Variants in SNX29 observed in about 807,000 individuals in gnomAD.
SNX29 encodes the protein sorting nexin 29.
SNX29 carries 78 observed loss-of-function variants against 102.1 expected under a neutral mutation model. That is an observed-to-expected ratio of 0.76 (90% CI 0.64 to 0.92). The LOEUF (loss-of-function observed/expected upper bound fraction) is 0.92, where lower values mean the gene tolerates loss of function less well. SNX29 is among the 40% of genes least tolerant of loss of function. The pLI, the probability that SNX29 is intolerant of heterozygous loss-of-function variation, is 0.00. For synonymous variants in SNX29, 580 were observed against 414.5 expected, an observed-to-expected ratio of 1.40 and a Z score of -4.85; for missense variants, 1,280 against 1,061.7, an observed-to-expected ratio of 1.21 and a Z score of -2.86.
At chr16:12,276,294 CTGTT>C (rs993565680) in intron 14 of SNX29, among the ~76,000 whole-genome samples, 25 of 152,258 alleles carry the variant, frequency 1.6e-4, no homozygotes, top group African/African-American at 5.1e-4. Context: ...CTTTCCATAA[CTGTT>C]TGGGGTTATC....
intron 20 of SNX29, chr16:12,561,166 C>T (rs1023320284): frequency 8.7e-6 from 2 of 230,014 alleles, no homozygotes; most frequent in Non-Finnish European, 1.7e-5. Flanking sequence ...AATTCAAAGG[C>T]TATTCAGCCT....
At chr16:12,546,462 A>G (rs564524679) in intron 20 of SNX29, 11 of 152,326 alleles carry the variant, frequency 7.2e-5, no homozygotes, top group Non-Finnish European at 1.3e-4. Context: ...TTATGAAACC[A>G]TCACATTCAC....
rs1441015226 is a variant in SNX29, at chr16:12,199,701, C to T, written c.1678+18C>T. The T allele has an allele frequency of 2.5e-6, 4 of 1,608,030 alleles. No homozygotes were observed. Among genetic ancestry groups the T allele is most frequent in the Non-Finnish European group, 3.4e-6 (4 of 1,176,976 alleles). On this transcript the variant is annotated intron_variant, in intron 14 of 20. Transcript: ENST00000566228. ...AGCTGAAGGTGAGGGGGAGCCTGAG[C>T]CCGGGTTGGGAGGGGCCGGGCTTTT...
chr16:12,333,676 A>C (rs549984867), intron 15 of SNX29, among the ~76,000 whole-genome samples: 2 of 152,126 alleles, frequency 1.3e-5, no homozygotes, highest in South Asian at 4.2e-4. Flanking sequence ...CGGACTCTCT[A>C]ATCTTTTCAT....
chr16:11,992,473 C>A (rs1259700287), intron 1 of SNX29, among the ~76,000 whole-genome samples: 3 of 152,116 alleles, frequency 2.0e-5, no homozygotes, highest in African/African-American at 7.2e-5. Flanking sequence ...AGTAGCTCCC[C>A]ATCCCCCTAC....
chr16:12,509,786 A>G (rs2089528435), intron 19 of SNX29, among the ~76,000 whole-genome samples: 1 of 151,718 alleles, frequency 6.6e-6, no homozygotes, highest in Non-Finnish European at 1.5e-5. Context: ...GAATAGATCC[A>G]CCCCTCCATT....
At chr16:12,320,023 A>T (rs1032745621) in intron 15 of SNX29, among the ~76,000 whole-genome samples, 7 of 152,058 alleles carry the variant, frequency 4.6e-5, no homozygotes, top group Admixed American at 2.0e-4. Flanking sequence ...GCATCTCGTC[A>T]CTGGTCTCCC....
chr16:12,139,739 T>A (rs2054800038), intron 13 of SNX29, among the ~76,000 whole-genome samples: 2 of 151,952 alleles, frequency 1.3e-5, no homozygotes, highest in South Asian at 4.2e-4. Flanking sequence ...ATAATCCCAG[T>A]CCTTTGGGAG....
chr16:12,537,067 A>T (rs1038249617), intron 20 of SNX29, among the ~76,000 whole-genome samples: 4 of 152,192 alleles, frequency 2.6e-5, no homozygotes, highest in African/African-American at 9.7e-5. Context: ...TTAGGAGACG[A>T]TGTAGATTTA....
chr16:12,413,630 T>TCACTCAC (rs2084498832), intron 18 of SNX29, among the ~76,000 whole-genome samples: 1 of 152,000 alleles, frequency 6.6e-6, no homozygotes, highest in African/African-American at 2.4e-5. Flanking sequence ...GAGTGTTCAG[T>TCACTCAC]GGTACGCTGC....
rs761816350 is a variant in SNX29, at chr16:12,403,433, C to G, written c.1956-15C>G. ...AAATGTCTAATGTTGGTCTCTCTCT[C>G]TTCCTTTTGGTTAGATCAAACCGGG... On this transcript the variant is annotated splice_polypyrimidine_tract_variant and intron_variant, in intron 17 of 20. Transcript: ENST00000566228. 2.5e-6 allele frequency: 4 copies of G among 1,597,088 alleles called. No individual in the cohort carries two copies. In the South Asian group the frequency reaches 4.5e-5, roughly 18 times the overall value.
At chr16:12,224,259 T>A (rs1210502943) in intron 14 of SNX29, among the ~76,000 whole-genome samples, 2 of 152,202 alleles carry the variant, frequency 1.3e-5, no homozygotes, top group East Asian at 3.8e-4. Flanking sequence ...CCCTCTCCTC[T>A]TCCCTTTTTC....
chr16:12,455,048 C>T (rs537029565), intron 18 of SNX29, among the ~76,000 whole-genome samples: 4 of 152,274 alleles, frequency 2.6e-5, no homozygotes, highest in African/African-American at 9.6e-5. Flanking sequence ...ACGCCTGGCC[C>T]GTTGGAGGAC....
chr16:12,421,913 GTCCATCACCATCATCATCCGTCCATCA>G (rs2084888740), intron 18 of SNX29, among the ~76,000 whole-genome samples: 2 of 70,508 alleles, frequency 2.8e-5, no homozygotes, highest in Non-Finnish European at 9.6e-5. Flanking sequence ...ATCACCAGCC[GTCCATCACCATCATCATCCGTCCATCA>G]TCCATCACCA....
intron 16 of SNX29, among the ~76,000 whole-genome samples, chr16:12,390,702 G>C (rs543594169): frequency 6.6e-6 from 1 of 152,092 alleles, no homozygotes; most frequent in African/African-American, 2.4e-5. Context: ...GCCAGGTGCT[G>C]GGCTGGGATG....
At chr16:12,304,889 T>C (rs2080291891) in intron 15 of SNX29, among the ~76,000 whole-genome samples, 1 of 152,256 alleles carries the variant, frequency 6.6e-6, no homozygotes. Context: ...TTATTCAGAA[T>C]GTTTTATTCA....
At chr16:12,292,519 C>T (rs1323002670) in intron 15 of SNX29, among the ~76,000 whole-genome samples, 1 of 152,176 alleles carries the variant, frequency 6.6e-6, no homozygotes, top group Non-Finnish European at 1.5e-5. Flanking sequence ...ATTTCAGACC[C>T]ATTGAGGAAG....
chr16:12,414,699 G>A (rs1010241704), intron 18 of SNX29, among the ~76,000 whole-genome samples: 7 of 151,578 alleles, frequency 4.6e-5, no homozygotes, highest in African/African-American at 1.7e-4. Context: ...AGCTTGGGAC[G>A]ATTTTGTTTG....
At chr16:12,493,111 A>G (rs1438776915) in intron 19 of SNX29, among the ~76,000 whole-genome samples, 1 of 152,166 alleles carries the variant, frequency 6.6e-6, no homozygotes, top group African/African-American at 2.4e-5. Context: ...GCATCTATAA[A>G]TTACCTTGGG....
Sources: gnomAD v4.1 joint callset for allele counts (sites outside exome capture counted in the v4.1 genomes callset) on GRCh38, gnomAD v4.1.1 for gene constraint, MANE v1.5 for transcripts, NCBI Gene and HGNC (gene_info 2026-07-23, HGNC 2026-07-21) for gene names.